SLC25A32: variants seen among roughly 807,000 people sequenced by gnomAD.
SLC25A32 encodes the protein Glycine auxotroph B, complementation of hamster.
A neutral mutation model predicts 39.0 loss-of-function variants in SLC25A32; 32 were observed. The ratio of observed to expected loss-of-function variants is 0.82; its 90% CI spans 0.62 to 1.10. The LOEUF is 1.10. Ranked by LOEUF, SLC25A32 falls within the 50% of genes least tolerant of loss-of-function variation. The pLI is 0.00. For synonymous variants in SLC25A32, 166 were observed against 152.4 expected (o/e 1.09, Z -0.66); for missense variants, 367 against 395.3 (o/e 0.93, Z 0.61).
At chr8:103,406,065 G>GTGTA (rs372284581) in intron 2 of SLC25A32, among the ~76,000 whole-genome samples, 12,943 of 143,964 alleles carry the variant, frequency 0.09, 705 homozygotes, top group Middle Eastern at 0.24. Context: ...GTGTGTGTGT[G>GTGTA]TATATATATA....
intron 1 of SLC25A32, among the ~76,000 whole-genome samples, chr8:103,411,428 T>A (rs1816461871): frequency 6.6e-6 from 1 of 152,098 alleles, no homozygotes; most frequent in Non-Finnish European, 1.5e-5. Context: ...CCCGAGACAA[T>A]CTCAGCAGGG....
In SLC25A32 at chr8:103,403,409, T is replaced by TA. The variant is rs11447002; in HGVS notation, c.392-86dup. ...CCAAATTAGAAACAGTACATTTATGTAAAAAAAAAAAAAAAAAAAAAGATA... is the reference window on the plus strand; with the variant it reads ...CCAAATTAGAAACAGTACATTTATGTAAAAAAAAAAAAAAAAAAAAAAGATA... On this transcript the variant is annotated intron_variant, in intron 3 of 6. Transcript: ENST00000297578. 62,835 of 248,822 alleles carry TA rather than the reference T, an allele frequency of 0.25. 10,734 individuals are homozygous for TA. Among genetic ancestry groups the TA allele is most frequent in the African/African-American group, 0.57 (19,166 of 33,336 alleles). The allele number at this position is 248,822 out of a possible 1,614,324, so 15.4% of individuals were successfully genotyped here.
At position 103,411,828 on chromosome 8, in the gene SLC25A32, T is replaced by A. The variant is rs1029002715; in HGVS notation, c.154+2956A>T. On this transcript the variant is annotated intron_variant, in intron 1 of 6. Transcript: ENST00000297578. ...TCTACTGCCAGTTTCCATTTTCACA[T>A]GGCATAAAAGATAATGTCAATCTGG... 3.3e-5 allele frequency among the ~76,000 whole-genome samples: 5 copies of A among 152,232 alleles called. No homozygotes were observed. In the East Asian group the frequency reaches 9.6e-4, roughly 29 times the overall value.
Position 103,403,326 on chromosome 8 carries a change from T to C in SLC25A32, c.392-2A>G, listed in dbSNP as rs1816259933. The C allele has an allele frequency of 1.3e-6, 2 of 1,584,216 alleles. No individual in the cohort carries two copies. The highest frequency in any genetic ancestry group is 2.8e-5 in the African/African-American group (2 of 71,974). On this transcript the variant is annotated splice_acceptor_variant, in intron 3 of 6. Transcript: ENST00000297578. LOFTEE classifies it high-confidence loss of function. ...TTGTAATGCAGAGGGTCATGGCTCC[T>C]AAAATGAGATTTCAATAAGATTATT... is the stretch of plus-strand genomic sequence containing the variant.
intron 1 of SLC25A32, among the ~76,000 whole-genome samples, chr8:103,411,009 G>A (rs1403366086): frequency 2.6e-5 from 4 of 152,094 alleles, no homozygotes; most frequent in African/African-American, 7.2e-5. Flanking sequence ...TAAAATTGCA[G>A]ATGAATCAAG....
rs1223356960 is a variant in SLC25A32, at chr8:103,400,327, A to G, written c.*84T>C. On this transcript the variant is annotated 3_prime_UTR_variant, in exon 7 of 7. Coordinates refer to ENST00000297578, the MANE Select transcript of SLC25A32 (RefSeq NM_030780.5). ...AATTTCGAATATGAGCCATGTTTCT[A>G]TGCAGAATTCTTCTTTTATGCCTTA... The G allele has an allele frequency of 6.7e-7, 1 of 1,484,476 alleles. No individual in the cohort carries two copies. The highest frequency in any genetic ancestry group is 9.3e-7 in the Non-Finnish European group (1 of 1,075,932). 92.0% of individuals were successfully genotyped at this position (1,484,476 alleles called of 1,614,324 possible).
chr8:103,403,157 T>C lies in SLC25A32; in HGVS notation c.552+7A>G. On this transcript the variant is annotated splice_region_variant and intron_variant, in intron 4 of 6. Transcript: ENST00000297578. ...CAGTTATTTAAAATATATTGATAAT[T>C]TGTTACCTTATATAATCCACGCACA... is the stretch of plus-strand genomic sequence containing the variant. 1.9e-6 allele frequency: 3 copies of C among 1,559,814 alleles called. No homozygotes were observed. The highest frequency in any genetic ancestry group is 2.6e-6 in the Non-Finnish European group (3 of 1,146,386).
intron 1 of SLC25A32, among the ~76,000 whole-genome samples, chr8:103,414,186 T>G (rs921846966): frequency 6.6e-6 from 1 of 152,262 alleles, no homozygotes; most frequent in African/African-American, 2.4e-5. Flanking sequence ...CTTTCCAGAC[T>G]TTAGTGTTGA....
rs547284833 is a variant in SLC25A32 at position 103,404,240 on chromosome 8, CTT to C, written c.391+534_391+535del. Among the ~76,000 whole-genome samples the C allele has an allele frequency of 3.2e-4, 49 of 152,324 alleles. No individual in the cohort carries two copies. In the East Asian group the frequency reaches 9.0e-3, roughly 28 times the overall value. On this transcript the variant is annotated intron_variant, in intron 3 of 6. Transcript: ENST00000297578. ...TTCATAACTTTTCTAAACTTTACCACTTTGTCATGAGTAAAATTCTTGAAATC... is the reference window on the plus strand; with the variant it reads ...TTCATAACTTTTCTAAACTTTACCACTGTCATGAGTAAAATTCTTGAAATC...
At chr8:103,402,229 A>T in intron 4 of SLC25A32, 175 bp from the exon 5 acceptor site, 1 of 489,040 alleles carries the variant, frequency 2.0e-6, no homozygotes, top group Non-Finnish European at 3.6e-6. Flanking sequence ...AGACATGGGT[A>T]GTATTCTCTT....
rs1816176287 is a variant in SLC25A32 at position 103,399,767 on chromosome 8, T to A, written c.*644A>T. On this transcript the variant is annotated 3_prime_UTR_variant, in exon 7 of 7. Transcript: ENST00000297578. ...AATATAAAAAAAAGTTAGCCAGGCG[T>A]GGTGGCAGGTGCCTGTAGTCCCAGC... The A allele has an allele frequency of 6.6e-6, 1 of 152,138 alleles. No individual in the cohort carries two copies. The highest frequency in any genetic ancestry group is 2.1e-4 in the South Asian group (1 of 4,832). The allele number at this position is 152,138 out of a possible 1,614,324, so 9.4% of individuals were successfully genotyped here. A position where few individuals can be genotyped will look rare whatever the true frequency, so the allele number is the denominator to read the frequency against.
chr8:103,401,753 ATCTT>A (rs1816223826), intron 5 of SLC25A32, 92 bp from the exon 6 acceptor site: 6 of 1,170,346 alleles, frequency 5.1e-6, no homozygotes, highest in Non-Finnish European at 7.2e-6. Flanking sequence ...ATTTAAATGG[ATCTT>A]TAAGGGATTC....
At chr8:103,406,071 A>G (rs1283250550) in intron 2 of SLC25A32, among the ~76,000 whole-genome samples, 2 of 148,692 alleles carry the variant, frequency 1.3e-5, no homozygotes, top group Non-Finnish European at 3.0e-5. Flanking sequence ...GTGTGTATAT[A>G]TATATATATA....
At chr8:103,405,949 G>T (rs142398177) in intron 2 of SLC25A32, among the ~76,000 whole-genome samples, 1 of 152,146 alleles carries the variant, frequency 6.6e-6, no homozygotes, top group Non-Finnish European at 1.5e-5. Context: ...GATTACAGGT[G>T]TGAGCCACTG....
At chr8:103,404,748 C>T in intron 3 of SLC25A32, 28 bp downstream of exon 3, 3 of 1,538,496 alleles carry the variant, frequency 1.9e-6, no homozygotes, top group Non-Finnish European at 2.7e-6. Context: ...TGGAAGGTGA[C>T]ATTTTTATAT....
chr8:103,407,932 TTATATATATATTACATATATATATAAATA>T (rs1282760033), intron 1 of SLC25A32, 148 bp from the exon 2 acceptor site: 37 of 210,766 alleles, frequency 1.8e-4, no homozygotes, highest in African/African-American at 8.0e-4. Context: ...TTCCAGGCTT[TTATATATATATTACATATATATATAAATA>T]TATATATATA....
At position 103,414,784 on chromosome 8, in the gene SLC25A32, C is replaced by A. The variant is rs1241370007; in HGVS notation, c.154G>T (p.Val52Leu). 6.2e-7 allele frequency: 1 copy of A among 1,613,660 alleles called. No individual in the cohort carries two copies. The highest frequency in any genetic ancestry group is 1.1e-5 in the South Asian group (1 of 91,086). ...GCCCGGTGTCTGGGCGGGCTCTTAC[C>A]GGCGAAGCGGATCTTCACGAGGTCG... The part of the protein sequence containing the change: ...PLDLVKIRFA[V>L]SDGLELRPKY... Residue 52 changes from valine (V) to leucine (L), a missense_variant and splice_region_variant, in exon 1 of 7, where the codon GTG becomes TTG. Transcript: ENST00000297578.
chr8:103,415,044 T>C lies in SLC25A32; in HGVS notation c.-107A>G. 6.3e-7 allele frequency: 1 copy of C among 1,595,440 alleles called. No individual in the cohort carries two copies. Among genetic ancestry groups the C allele is most frequent in the Non-Finnish European group, 8.5e-7 (1 of 1,171,522 alleles). ...CGCCCCTTGTGAGCGCAACCCCACC[T>C]CCGGGACCAACGAGAGGACTCTTAT... On this transcript the variant is annotated 5_prime_UTR_variant, in exon 1 of 7. Transcript: ENST00000297578.
In SLC25A32 at chr8:103,398,850, TA is replaced by T. The variant is rs1816158586; in HGVS notation, c.*1560del. 2 of 91,928 alleles carry T rather than the reference TA, an allele frequency of 2.2e-5. No individual in the cohort carries two copies. Among genetic ancestry groups the T allele is most frequent in the Admixed American group, 9.7e-5 (1 of 10,280 alleles). 5.7% of individuals were successfully genotyped at this position (91,928 alleles called of 1,614,324 possible). On this transcript the variant is annotated 3_prime_UTR_variant, in exon 7 of 7. Coordinates refer to ENST00000297578, the MANE Select transcript of SLC25A32 (RefSeq NM_030780.5). Reference sequence around the variant, plus strand: ...TTATAAAGCATTCATCTGCATGTTATAAGATATTACAGTAAATACAATTAGG... The same window carrying T: ...TTATAAAGCATTCATCTGCATGTTATAGATATTACAGTAAATACAATTAGG...
Sources: allele counts gnomAD v4.1 joint callset (sites outside exome capture counted in the v4.1 genomes callset), GRCh38; gene constraint gnomAD v4.1.1; transcripts MANE v1.5; gene names NCBI Gene and HGNC (gene_info 2026-07-23, HGNC 2026-07-21).